The following PRKAG2 variants were observed in gnomAD, a reference collection of about 807,000 sequenced individuals.
PRKAG2 encodes 5'-AMP-activated protein kinase subunit gamma-2.
Under a neutral mutation model 69.6 loss-of-function variants are expected in PRKAG2, and 26 were observed. The observed-to-expected ratio is 0.37, with a 90% confidence interval of 0.27 to 0.52. The LOEUF (loss-of-function observed/expected upper bound fraction) is 0.52. Among genes scored for constraint, PRKAG2 ranks in the 20% least tolerant of loss-of-function variants. PRKAG2 has a pLI of 0.90. For synonymous variants in PRKAG2, 293 were observed against 285.0 expected (o/e 1.03, Z -0.28); for missense variants, 557 against 740.0 (o/e 0.75, Z 2.87).
chr7:151,874,677 C>G (rs957168266), intron 1 of PRKAG2, among the ~76,000 whole-genome samples: 1 of 152,136 alleles, frequency 6.6e-6, no homozygotes, highest in East Asian at 1.9e-4. Context: ...TCGAGCCCAG[C>G]TCATGTGGAC....
chr7:151,801,318 A>C (rs4128396), intron 1 of PRKAG2, among the ~76,000 whole-genome samples: 23,796 of 152,238 alleles, frequency 0.16, 2,289 homozygotes, highest in Non-Finnish European at 0.23. Context: ...GAGACCAGAG[A>C]CACTCAGAGA....
rs1197092233 is a variant in PRKAG2 at position 151,635,488 on chromosome 7, G to A, written c.685-3350C>T. ...GGGCTGTGGTAGGTCCATCTATACC[G>A]TAAAATACTACTCAGCAAGAAAAAG... On this transcript the variant is annotated intron_variant, in intron 4 of 15. Coordinates refer to ENST00000287878, the MANE Select transcript of PRKAG2 (RefSeq NM_016203.4). Among the ~76,000 whole-genome samples the A allele has an allele frequency of 3.9e-5, 6 of 152,200 alleles. No individual in the cohort carries two copies. The East Asian group carries it at 5.8e-4, about 15-fold the overall frequency.
chr7:151,843,422 C>T (rs942671571), intron 1 of PRKAG2, among the ~76,000 whole-genome samples: 17 of 152,154 alleles, frequency 1.1e-4, no homozygotes, highest in Non-Finnish European at 2.2e-4. Flanking sequence ...TGCACCATCA[C>T]GCGGCTACAG....
At chr7:151,602,921 G>GT (rs1816469482) in intron 5 of PRKAG2, among the ~76,000 whole-genome samples, 1 of 152,218 alleles carries the variant, frequency 6.6e-6, no homozygotes, top group African/African-American at 2.4e-5. Flanking sequence ...AGCCATGATT[G>GT]TAAGTTTCCT....
chr7:151,670,039 C>G (rs530959910), intron 4 of PRKAG2, among the ~76,000 whole-genome samples: 1 of 149,608 alleles, frequency 6.7e-6, no homozygotes, highest in Non-Finnish European at 1.5e-5. Context: ...CACCTGCATG[C>G]ACACACACCT....
intron 4 of PRKAG2, among the ~76,000 whole-genome samples, chr7:151,655,805 T>C (rs527429684): frequency 1.3e-5 from 2 of 152,268 alleles, no homozygotes; most frequent in Admixed American, 1.3e-4. Flanking sequence ...AATATGTGAG[T>C]TAATTACACA....
chr7:151,629,905 A>G (rs570742245), intron 5 of PRKAG2, among the ~76,000 whole-genome samples: 2 of 152,302 alleles, frequency 1.3e-5, no homozygotes, highest in South Asian at 2.1e-4. Context: ...TCCCTGCTAA[A>G]TAAGTGTGAG....
At position 151,576,471 on chromosome 7, in the gene PRKAG2, A is replaced by C; in HGVS notation, c.865-19T>G. The C allele has an allele frequency of 6.5e-7, 1 of 1,549,650 alleles. No individual in the cohort carries two copies. The highest frequency in any genetic ancestry group is 8.9e-7 in the Non-Finnish European group (1 of 1,122,144). ...TTTTAACCTGAAGAAAAAGAGGAGA[A>C]ACAAAACATACTTTCAAAGTCCAGG... On this transcript the variant is annotated intron_variant, in intron 6 of 15. Coordinates refer to ENST00000287878, the MANE Select transcript of PRKAG2 (RefSeq NM_016203.4).
At chr7:151,624,648 C>T (rs970479431) in intron 5 of PRKAG2, among the ~76,000 whole-genome samples, 1 of 152,138 alleles carries the variant, frequency 6.6e-6, no homozygotes, top group Non-Finnish European at 1.5e-5. Flanking sequence ...CCAGATTCCG[C>T]AGGCGAGCCA....
intron 3 of PRKAG2, among the ~76,000 whole-genome samples, chr7:151,725,194 C>T (rs937143455): frequency 1.3e-5 from 2 of 152,120 alleles, no homozygotes; most frequent in Non-Finnish European, 2.9e-5. Context: ...CAGAATATTA[C>T]TCAGCCTTAA....
intron 5 of PRKAG2, among the ~76,000 whole-genome samples, chr7:151,601,984 T>A (rs1816199768): frequency 6.6e-6 from 1 of 152,226 alleles, no homozygotes; most frequent in Admixed American, 6.5e-5. Flanking sequence ...TGTGCTCCCA[T>A]GTTTCTCAAA....
intron 1 of PRKAG2, among the ~76,000 whole-genome samples, chr7:151,873,212 C>A (rs1383378696): frequency 1.3e-5 from 2 of 152,182 alleles, no homozygotes; most frequent in Non-Finnish European, 2.9e-5. Flanking sequence ...AAGCAGCCAT[C>A]CCCTCCCGCC....
chr7:151,648,328 T>C (rs1386792373), intron 4 of PRKAG2, among the ~76,000 whole-genome samples: 2 of 152,172 alleles, frequency 1.3e-5, no homozygotes, highest in South Asian at 2.1e-4. Flanking sequence ...TATTTTTCCA[T>C]GATATACAAA....
rs920439819 is a variant in PRKAG2, at chr7:151,584,475, G to GA, written c.865-8024dup. ...ACACAGATCTCACTAGAAGGGTTAG[G>GA]AAAAAAAAAATCTTCCAAAAAGTGG... On this transcript the variant is annotated intron_variant, in intron 6 of 15. Transcript: ENST00000287878. 2.4e-4 allele frequency among the ~76,000 whole-genome samples: 35 copies of GA among 148,628 alleles called. No individual in the cohort carries two copies. In the East Asian group the frequency reaches 3.7e-3, roughly 16 times the overall value.
rs536105914 is a variant in PRKAG2 at position 151,783,912 on chromosome 7, C to CAAAAA, written c.187-2486_187-2482dup. Among the ~76,000 whole-genome samples, 38 of 28,954 alleles carry CAAAAA rather than the reference C, an allele frequency of 1.3e-3. 1 individual carries two copies. Among genetic ancestry groups the CAAAAA allele is most frequent in the African/African-American group, 4.4e-3 (38 of 8,542 alleles). 19.0% of individuals were successfully genotyped at this position (28,954 alleles called of 152,430 possible). On this transcript the variant is annotated intron_variant, in intron 2 of 15. Transcript: ENST00000287878. ...TTGGGTACAGAGCAAGACCCTGTCT[C>CAAAAA]AAAAAAAAAAAAAAAAAAAAAAAAA...
intron 1 of PRKAG2, among the ~76,000 whole-genome samples, chr7:151,786,859 T>G (rs145394865): frequency 2.6e-3 from 393 of 152,244 alleles, no homozygotes; most frequent in African/African-American, 8.7e-3. Flanking sequence ...GGAGAGCCCG[T>G]CTCAGGCTAT....
intron 1 of PRKAG2, among the ~76,000 whole-genome samples, chr7:151,789,531 G>A (rs1402630912): frequency 1.3e-5 from 2 of 152,060 alleles, no homozygotes; most frequent in African/African-American, 4.8e-5. Context: ...AGCAACCCCT[G>A]AAAGGGTGAG....
chr7:151,793,416 C>T (rs1054132404), intron 1 of PRKAG2, among the ~76,000 whole-genome samples: 3 of 152,216 alleles, frequency 2.0e-5, no homozygotes, highest in African/African-American at 7.2e-5. Context: ...CTTAAGGTTT[C>T]TCAACTGATT....
At chr7:151,674,097 C>T (rs1427506732) in intron 4 of PRKAG2, among the ~76,000 whole-genome samples, 3 of 152,176 alleles carry the variant, frequency 2.0e-5, no homozygotes, top group Non-Finnish European at 4.4e-5. Flanking sequence ...CCCACCTTGG[C>T]CTTCCAAAGT....
Sources: allele counts gnomAD v4.1 joint callset (sites outside exome capture counted in the v4.1 genomes callset), GRCh38; gene constraint gnomAD v4.1.1; transcripts MANE v1.5; gene names NCBI Gene and HGNC (gene_info 2026-07-23, HGNC 2026-07-21).